PATZ1: variants seen among roughly 807,000 people sequenced by gnomAD.
The protein encoded by PATZ1 is POZ-, AT hook-, and zinc finger-containing protein 1.
Under a neutral mutation model 46.2 loss-of-function variants are expected in PATZ1, and 9 were observed. That is an observed-to-expected ratio of 0.19 (90% CI 0.12 to 0.34). The LOEUF is 0.34. PATZ1 is among the 10% of genes least tolerant of loss of function. The pLI, the probability that PATZ1 is intolerant of heterozygous loss-of-function variation, is 1.00. For missense variants in PATZ1, 632 were observed against 923.0 expected (o/e 0.68, Z 4.08); for synonymous variants, 426 against 378.6 (o/e 1.13, Z -1.45).
rs549051125 is a variant in PATZ1, at chr22:31,328,296, C to T, written c.1645+491G>A. ...ATTGCCATGCATCTCACAACCATAG[C>T]CAGAGGCTCTCCAGAAAGGGCCACT... On this transcript the variant is annotated intron_variant, in intron 4 of 4. Coordinates refer to ENST00000266269, the MANE Select transcript of PATZ1 (RefSeq NM_014323.3). The surrounding 1 kb of genome is among the most constrained non-coding windows in gnomAD (Gnocchi z 4.8). 2.6e-5 allele frequency among the ~76,000 whole-genome samples: 4 copies of T among 152,308 alleles called. No homozygotes were observed. In the South Asian group the frequency reaches 8.3e-4, roughly 32 times the overall value.
intron 3 of PATZ1, among the ~76,000 whole-genome samples, chr22:31,334,622 C>G (rs2049485698): frequency 6.6e-6 from 1 of 152,174 alleles, no homozygotes; most frequent in Non-Finnish European, 1.5e-5. Flanking sequence ...AAGTGTGCGG[C>G]TCCTTTCACC....
intron 2 of PATZ1, chr22:31,341,353 A>C: frequency 6.6e-7 from 1 of 1,507,198 alleles, no homozygotes; most frequent in Non-Finnish European, 8.9e-7. Flanking sequence ...GTCTCAGGCC[A>C]AATGCCCCTC....
Position 31,345,052 on chromosome 22 carries a change from C to G in PATZ1, c.551G>C (p.Gly184Ala). 2 of 1,614,122 alleles carry G rather than the reference C, an allele frequency of 1.2e-6. No individual in the cohort carries two copies. Among genetic ancestry groups the G allele is most frequent in the African/African-American group, 2.7e-5 (2 of 75,062 alleles). The change falls in exon 1 of 5, where the codon GGC becomes GCC. Residue 184 changes from glycine (G) to alanine (A), a missense_variant. Transcript: ENST00000266269. This position sits in a 1 kb window ranked among gnomAD's most constrained non-coding sequence, Gnocchi z 7.4. The part of the protein sequence containing the change: ...LFRPPGTSDL[G>A]FPLDMTNGAA... ...CCCGTTGGTCATGTCCAAAGGGAAG[C>G]CCAAGTCCGAGGTCCCAGGGGGGCG... is the stretch of plus-strand genomic sequence containing the variant.
chr22:31,343,815 G>C (rs1279923463), intron 1 of PATZ1, among the ~76,000 whole-genome samples: 1 of 152,248 alleles, frequency 6.6e-6, no homozygotes, highest in Admixed American at 6.5e-5. Context: ...GACCAGCTCT[G>C]TGTCCCATGA....
Position 31,327,152 on chromosome 22 carries a change from C to T in PATZ1, c.1803G>A (p.Gly601=). The change falls in exon 5 of 5, where the codon GGG becomes GGA. Residue 601 remains glycine (G), a synonymous_variant. Coordinates refer to ENST00000266269, the MANE Select transcript of PATZ1 (RefSeq NM_014323.3). The surrounding 1 kb of genome is among the most constrained non-coding windows in gnomAD (Gnocchi z 4.2). The part of the protein sequence containing the change: ...AVPKNKMESD[G]EKKYPCPECG... ...ATTCAGGGCATGGGTACTTCTTCTC[C>T]CCATCAGACTCCATTTTGTTTTTGG... The T allele has an allele frequency of 1.9e-6, 3 of 1,614,120 alleles. 1 individual carries two copies. Among genetic ancestry groups the T allele is most frequent in the Middle Eastern group, 3.3e-4 (2 of 6,062 alleles).
Position 31,345,716 on chromosome 22 carries a change from C to T in PATZ1, c.-114G>A, listed in dbSNP as rs934588933. On this transcript the variant is annotated 5_prime_UTR_variant, in exon 1 of 5. Coordinates refer to ENST00000266269, the MANE Select transcript of PATZ1 (RefSeq NM_014323.3). The surrounding 1 kb of genome is among the most constrained non-coding windows in gnomAD (Gnocchi z 7.4). ...TGTCCACACTCCCCACACGTGCCGG[C>T]CCGAGGCTCTGTAGTCTCGCAGGTG... 1.8e-6 allele frequency: 2 copies of T among 1,083,878 alleles called. No homozygotes were observed. Among genetic ancestry groups the T allele is most frequent in the African/African-American group, 3.2e-5 (2 of 62,702 alleles). The allele number at this position is 1,083,878 out of a possible 1,614,324, so 67.1% of individuals were successfully genotyped here.
chr22:31,331,818 G>A (rs1232146653), intron 3 of PATZ1, among the ~76,000 whole-genome samples: 1 of 152,136 alleles, frequency 6.6e-6, no homozygotes, highest in Non-Finnish European at 1.5e-5. Flanking sequence ...CACAGCAGAT[G>A]CTCAATAAAA....
intron 1 of PATZ1, chr22:31,343,526 G>A (rs1427584357): frequency 1.3e-6 from 1 of 755,284 alleles, no homozygotes; most frequent in Non-Finnish European, 1.6e-6. Flanking sequence ...GTTCCTGGTC[G>A]GGGCCCTCTG....
rs1310906684 is a variant in PATZ1 at position 31,328,969 on chromosome 22, T to C, written c.1508-45A>G. The C allele has an allele frequency of 5.3e-6, 8 of 1,496,544 alleles. No individual in the cohort carries two copies. The highest frequency in any genetic ancestry group is 3.6e-5 in the South Asian group (3 of 83,630). 92.7% of individuals were successfully genotyped at this position (1,496,544 alleles called of 1,614,324 possible). A position where few individuals can be genotyped will look rare whatever the true frequency, so the allele number is the denominator to read the frequency against. Reference sequence around the variant, plus strand: ...ATGAGATCCCGCGGCCAGCAAGAGATACCTCTCTCCTTCCCCCAACTCCTC... The same window carrying C: ...ATGAGATCCCGCGGCCAGCAAGAGACACCTCTCTCCTTCCCCCAACTCCTC... On this transcript the variant is annotated intron_variant, in intron 3 of 4. Coordinates refer to ENST00000266269, the MANE Select transcript of PATZ1 (RefSeq NM_014323.3). The surrounding 1 kb of genome is among the most constrained non-coding windows in gnomAD (Gnocchi z 4.8).
Position 31,344,760 on chromosome 22 carries a change from C to T in PATZ1, c.843G>A (p.Gly281=). The T allele has an allele frequency of 8.7e-6, 14 of 1,609,538 alleles. No individual in the cohort carries two copies. Among genetic ancestry groups the T allele is most frequent in the Non-Finnish European group, 1.2e-5 (14 of 1,177,384 alleles). ...CTGCCTCCCTCAGGCCCCCTGGGGA[C>T]CCAAACATTGAGTCCAGCAGGTTGG... is the stretch of plus-strand genomic sequence containing the variant. ...RKANLLDSMF[G]SPGGLREAGI... Residue 281 remains glycine, a synonymous_variant, in exon 1 of 5, where the codon GGG becomes GGA. Coordinates refer to ENST00000266269, the MANE Select transcript of PATZ1 (RefSeq NM_014323.3).
chr22:31,343,159 T>C (rs1197251243), intron 1 of PATZ1, 199 bp from the exon 2 acceptor site: 33 of 1,315,642 alleles, frequency 2.5e-5, no homozygotes, highest in Admixed American at 3.5e-5. Flanking sequence ...TGGTTTTCTC[T>C]GGAGGGGGGA....
intron 2 of PATZ1, among the ~76,000 whole-genome samples, chr22:31,338,852 G>T (rs1179655277): frequency 6.6e-6 from 1 of 152,136 alleles, no homozygotes. Context: ...TTTGAGACCA[G>T]CCTGGCCAAT....
Position 31,344,195 on chromosome 22 carries a change from A to G in PATZ1, c.1271+137T>C, listed in dbSNP as rs542960369. The G allele has an allele frequency of 3.8e-6, 3 of 794,944 alleles. No individual in the cohort carries two copies. In the Admixed American group the frequency reaches 8.0e-5, roughly 21 times the overall value. 49.2% of individuals were successfully genotyped at this position (794,944 alleles called of 1,614,324 possible). ...ACCATCTCAAAATAAGGGCCCTTAA[A>G]AACACTCTACCCAAACCTGGCATGG... On this transcript the variant is annotated intron_variant, in intron 1 of 4. Coordinates refer to ENST00000266269, the MANE Select transcript of PATZ1 (RefSeq NM_014323.3).
chr22:31,327,012 G>A lies in PATZ1; in HGVS notation c.1943C>T (p.Ser648Phe). 6.2e-7 allele frequency: 1 copy of A among 1,614,222 alleles called. No individual in the cohort carries two copies. Among genetic ancestry groups the A allele is most frequent in the Non-Finnish European group, 8.5e-7 (1 of 1,180,032 alleles). The stretch of plus-strand genomic sequence containing the variant: ...GAGGAGAGACATGTTCTGCTGAGGA[G>A]AGAAAGGTGAGCCAAGGGCAGGGCC... The part of the protein sequence containing the change: ...DLGPALGSPF[S>F]PQQNMSLLES... Residue 648 changes from serine (S) to phenylalanine (F), a missense_variant, in exon 5 of 5, where the codon TCT (serine) becomes TTT (phenylalanine). This residue lies in a region of PATZ1 where 176 missense variants were observed against 249.4 expected (regional missense o/e 0.71). Coordinates refer to ENST00000266269, the MANE Select transcript of PATZ1 (RefSeq NM_014323.3). The surrounding 1 kb of genome is among the most constrained non-coding windows in gnomAD (Gnocchi z 4.2).
rs2049373342 is a variant in PATZ1, at chr22:31,326,691, G to A, written c.*200C>T. 1 of 573,942 alleles carries A rather than the reference G, an allele frequency of 1.7e-6. No homozygotes were observed. Among genetic ancestry groups the A allele is most frequent in the Non-Finnish European group, 3.1e-6 (1 of 326,826 alleles). The allele number at this position is 573,942 out of a possible 1,614,324, so 35.6% of individuals were successfully genotyped here. On this transcript the variant is annotated 3_prime_UTR_variant, in exon 5 of 5. Coordinates refer to ENST00000266269, the MANE Select transcript of PATZ1 (RefSeq NM_014323.3). ...CATACCAAGTCTCATTGATATTTCT[G>A]CAGAATATCAGATGAAAATCTATTT...
intron 2 of PATZ1, chr22:31,341,368 T>C (rs1423952872): frequency 1.3e-6 from 2 of 1,517,604 alleles, no homozygotes; most frequent in Non-Finnish European, 1.8e-6. Context: ...CCCCTCCTGT[T>C]CCCTTCCACT....
chr22:31,345,225 G>A lies in PATZ1; in HGVS notation c.378C>T (p.Ile126=), dbSNP rs1209372422. The part of the protein sequence containing the change: ...DILDFAYTSR[I]VVRLESFPEL... ...CGGGAAAGCTCTCCAAGCGCACCAC[G>A]ATGCGGGAAGTGTAGGCGAAGTCCA... Residue 126 remains isoleucine (I), a synonymous_variant, in exon 1 of 5, where the codon ATC becomes ATT. Coordinates refer to ENST00000266269, the MANE Select transcript of PATZ1 (RefSeq NM_014323.3). This position sits in a 1 kb window ranked among gnomAD's most constrained non-coding sequence, Gnocchi z 7.4. The A allele has an allele frequency of 1.9e-6, 3 of 1,613,656 alleles. No homozygotes were observed. The highest frequency in any genetic ancestry group is 2.2e-5 in the East Asian group (1 of 44,896).
chr22:31,344,818 G>A lies in PATZ1; in HGVS notation c.785C>T (p.Thr262Ile), dbSNP rs372045905. 3.7e-6 allele frequency: 6 copies of A among 1,610,430 alleles called. No individual in the cohort carries two copies. Among genetic ancestry groups the A allele is most frequent in the Non-Finnish European group, 5.1e-6 (6 of 1,178,256 alleles). ...PSVASSAPPL[T>I]GKRGRGRPRK... ...TGGGCGGCCCCGGCCTCGCTTGCCAGTCAGGGGAGGGGCACTGGATGCCAC... is the reference window on the plus strand; with the variant it reads ...TGGGCGGCCCCGGCCTCGCTTGCCAATCAGGGGAGGGGCACTGGATGCCAC... The change falls in exon 1 of 5, where the codon ACT becomes ATT. Residue 262 changes from threonine (T) to isoleucine (I), a missense_variant. By Grantham distance (89) the Thr-to-Ile change is moderately conservative. Around this residue, in one of 7 missense-constraint regions of PATZ1, gnomAD observed 279 missense variants for 284.3 expected, o/e 0.98. Coordinates refer to ENST00000266269, the MANE Select transcript of PATZ1 (RefSeq NM_014323.3).
Position 31,344,400 on chromosome 22 carries a change from A to G in PATZ1, c.1203T>C (p.His401=). Residue 401 remains histidine (H), a synonymous_variant, in exon 1 of 5, where the codon CAT becomes CAC. Coordinates refer to ENST00000266269, the MANE Select transcript of PATZ1 (RefSeq NM_014323.3). ...RFKRKDRMSY[H]VRSHDGSVGK... ...CCACGGACCCATCATGGGACCGCAC[A>G]TGGTAGGACATGCGGTCTTTTCTCT... 1 of 1,614,100 alleles carries G rather than the reference A, an allele frequency of 6.2e-7. No homozygotes were observed. The highest frequency in any genetic ancestry group is 8.5e-7 in the Non-Finnish European group (1 of 1,179,974).
Sources: gnomAD v4.1 joint callset for allele counts (sites outside exome capture counted in the v4.1 genomes callset) on GRCh38, gnomAD v4.1.1 for gene constraint, gnomAD v4.1.1 regional missense constraint, Gnocchi (gnomAD v3.1) non-coding constraint, MANE v1.5 for transcripts, NCBI Gene and HGNC (gene_info 2026-07-23, HGNC 2026-07-21) for gene names.